AIG1: variants seen among roughly 807,000 people sequenced by gnomAD.
AIG1 encodes androgen-induced gene 1 protein.
Under a neutral mutation model 31.4 loss-of-function variants are expected in AIG1, and 23 were observed. The ratio of observed to expected loss-of-function variants is 0.73; its 90% CI spans 0.53 to 1.04. The LOEUF (loss-of-function observed/expected upper bound fraction) is 1.04, where lower values mean the gene tolerates loss of function less well. AIG1 is among the 50% of genes least tolerant of loss of function. The pLI, the probability that AIG1 is intolerant of heterozygous loss-of-function variation, is 0.00. For missense variants in AIG1, 274 were observed against 295.0 expected (o/e 0.93, Z 0.52); for synonymous variants, 100 against 110.5 (o/e 0.90, Z 0.60).
chr6:143,201,588 A>G (rs985943952), intron 3 of AIG1, among the ~76,000 whole-genome samples: 3 of 152,218 alleles, frequency 2.0e-5, no homozygotes, highest in African/African-American at 7.2e-5. Context: ...TCCCACAAGT[A>G]GAAGGGACCC....
chr6:143,337,459 A>C (rs1777583859), intron 5 of AIG1, among the ~76,000 whole-genome samples: 2 of 152,036 alleles, frequency 1.3e-5, no homozygotes, highest in South Asian at 4.2e-4. Flanking sequence ...CTGAGAGTTA[A>C]GCACTTCGAT....
chr6:143,194,083 C>T (rs1790015038), intron 3 of AIG1, among the ~76,000 whole-genome samples: 1 of 152,176 alleles, frequency 6.6e-6, no homozygotes, highest in Non-Finnish European at 1.5e-5. Flanking sequence ...TGCTTATCCC[C>T]TGTATATTAG....
chr6:143,199,055 C>G (rs1483275521), intron 3 of AIG1, among the ~76,000 whole-genome samples: 2 of 152,130 alleles, frequency 1.3e-5, no homozygotes, highest in Non-Finnish European at 2.9e-5. Flanking sequence ...TTGAAGGTCT[C>G]CTTTCTCCTT....
At chr6:143,296,777 A>C (rs1885649) in intron 4 of AIG1, among the ~76,000 whole-genome samples, 2 of 152,210 alleles carry the variant, frequency 1.3e-5, no homozygotes, top group African/African-American at 2.4e-5. Context: ...CATATAAAAC[A>C]TTGACTTTGT....
intron 3 of AIG1, among the ~76,000 whole-genome samples, chr6:143,194,748 G>A (rs1040666709): frequency 7.9e-5 from 12 of 152,248 alleles, no homozygotes; most frequent in Admixed American, 7.8e-4. Context: ...CCACGTCACG[G>A]CAGGTGGCCC....
intron 1 of AIG1, among the ~76,000 whole-genome samples, chr6:143,076,632 T>A (rs1221218345): frequency 1.3e-5 from 2 of 152,012 alleles, no homozygotes; most frequent in African/African-American, 4.8e-5. Context: ...CCTTTTTTTG[T>A]TCCCCCACCT....
At chr6:143,147,015 C>T (rs1390346514) in intron 2 of AIG1, among the ~76,000 whole-genome samples, 2 of 152,066 alleles carry the variant, frequency 1.3e-5, no homozygotes, top group Non-Finnish European at 2.9e-5. Flanking sequence ...GAGTGTAGCC[C>T]TGCCAGCCAG....
chr6:143,070,680 G>A (rs577097252), intron 1 of AIG1, among the ~76,000 whole-genome samples: 16 of 152,254 alleles, frequency 1.1e-4, no homozygotes, highest in Admixed American at 8.5e-4. Context: ...TAGCTTTTAT[G>A]ACAGACCCAC....
intron 4 of AIG1, among the ~76,000 whole-genome samples, chr6:143,321,756 T>G (rs530737325): frequency 6.6e-6 from 1 of 152,194 alleles, no homozygotes; most frequent in South Asian, 2.1e-4. Flanking sequence ...CTTTTGATGG[T>G]TTCATTCTGA....
Position 143,284,661 on chromosome 6 carries a change from T to C in AIG1, c.515+436T>C, listed in dbSNP as rs1009345428. Among the ~76,000 whole-genome samples, 2 of 152,146 alleles carry C rather than the reference T, an allele frequency of 1.3e-5. No homozygotes were observed. Among genetic ancestry groups the C allele is most frequent in the Non-Finnish European group, 1.5e-5 (1 of 68,026 alleles). Reference sequence around the variant, plus strand: ...CTAGGAAACAAGTGAAAATGTATGTTTTCCCTGGTCCATTTAAAACCTACT... The same window carrying C: ...CTAGGAAACAAGTGAAAATGTATGTCTTCCCTGGTCCATTTAAAACCTACT... On this transcript the variant is annotated intron_variant, in intron 4 of 5. Transcript: ENST00000357847. This position sits in a 1 kb window ranked among gnomAD's most constrained non-coding sequence, Gnocchi z 4.4.
chr6:143,247,305 G>A lies in AIG1; in HGVS notation c.400-36805G>A, dbSNP rs554274505. On this transcript the variant is annotated intron_variant, in intron 3 of 5. Coordinates refer to ENST00000357847, the MANE Select transcript of AIG1 (RefSeq NM_016108.4). The stretch of plus-strand genomic sequence containing the variant: ...CGCCACCATGCCCAGCTAATTTTTT[G>A]TATTTTAGTAGAGACGGGGCTTCCC... Among the ~76,000 whole-genome samples, 325 of 152,278 alleles carry A rather than the reference G, an allele frequency of 2.1e-3. 1 individual carries two copies. The highest frequency in any genetic ancestry group is 3.3e-3 in the Non-Finnish European group (227 of 68,002).
At chr6:143,151,866 A>G (rs769610595) in intron 2 of AIG1, among the ~76,000 whole-genome samples, 1 of 152,200 alleles carries the variant, frequency 6.6e-6, no homozygotes, top group Non-Finnish European at 1.5e-5. Context: ...CTAGTAGTCA[A>G]ATTACTATAA....
At chr6:143,226,312 C>T (rs1792948519) in intron 3 of AIG1, among the ~76,000 whole-genome samples, 1 of 151,498 alleles carries the variant, frequency 6.6e-6, no homozygotes, top group African/African-American at 2.4e-5. Context: ...ATGATCTCGG[C>T]TCACTGCAAC....
At chr6:143,109,576 A>G (rs956870969) in intron 1 of AIG1, among the ~76,000 whole-genome samples, 8 of 151,958 alleles carry the variant, frequency 5.3e-5, no homozygotes, top group African/African-American at 1.5e-4. Flanking sequence ...TAGCTATTCT[A>G]TTGGCTATGC....
chr6:143,315,806 AC>A, intron 4 of AIG1, among the ~76,000 whole-genome samples: 1 of 152,080 alleles, frequency 6.6e-6, no homozygotes, highest in Non-Finnish European at 1.5e-5. Flanking sequence ...AATCCACTTG[AC>A]TCAGCCATGA....
At chr6:143,060,653 G>C (rs1298898722), upstream of AIG1, 1 of 456,620 alleles carries the variant, frequency 2.2e-6, no homozygotes, top group South Asian at 1.6e-5. Context: ...GAATGACGAA[G>C]GTGACGAAAG....
chr6:143,167,918 G>A (rs1562450024), intron 3 of AIG1, among the ~76,000 whole-genome samples: 5 of 152,134 alleles, frequency 3.3e-5, no homozygotes, highest in East Asian at 1.9e-4. Context: ...AAGAAGTTGC[G>A]CATGGTGGCT....
intron 4 of AIG1, among the ~76,000 whole-genome samples, chr6:143,287,596 C>T (rs1187283601): frequency 6.6e-6 from 1 of 152,060 alleles, no homozygotes; most frequent in Non-Finnish European, 1.5e-5. Flanking sequence ...AGCCTGGTAG[C>T]TGAGGCCACT....
At chr6:143,152,789 A>G (rs1240677131) in intron 2 of AIG1, among the ~76,000 whole-genome samples, 1 of 152,158 alleles carries the variant, frequency 6.6e-6, no homozygotes, top group Non-Finnish European at 1.5e-5. Context: ...CACAATGCAC[A>G]CCACCTTGCC....
Sources: gnomAD v4.1 joint callset for allele counts (sites outside exome capture counted in the v4.1 genomes callset) on GRCh38, gnomAD v4.1.1 for gene constraint, Gnocchi (gnomAD v3.1) non-coding constraint, MANE v1.5 for transcripts, NCBI Gene and HGNC (gene_info 2026-07-23, HGNC 2026-07-21) for gene names.